Variants in PCDHGA5 observed in about 807,000 individuals in gnomAD.
PCDHGA5 encodes the protein protocadherin gamma subfamily A, 5.
In PCDHGA5, 36 loss-of-function variants were observed where a neutral mutation model predicts 56.7. The ratio of observed to expected loss-of-function variants is 0.64; its 90% CI spans 0.49 to 0.84. PCDHGA5 has a LOEUF of 0.84. Among genes scored for constraint, PCDHGA5 ranks in the 40% least tolerant of loss-of-function variants. The probability of loss-of-function intolerance (pLI) is 0.00; values close to 1 mark genes in which losing one functional copy is unlikely to be tolerated. For synonymous variants in PCDHGA5, 563 were observed against 520.2 expected, an observed-to-expected ratio of 1.08 and a Z score of -1.12; for missense variants, 1,305 against 1,201.5, an observed-to-expected ratio of 1.09 and a Z score of -1.27.
chr5:141,475,938 G>T (rs756781296), intron 1 of PCDHGA5: 22 of 682,776 alleles, frequency 3.2e-5, no homozygotes, highest in African/African-American at 7.2e-5. Flanking sequence ...GCCCCTGCCC[G>T]TCCCCTTTCT....
rs527630741 is a variant in PCDHGA5, at chr5:141,493,568, G to A, written c.2422-1239G>A. ...TTGGAGATTGAGTTCCCCCAGCTCC[G>A]TTTCCTCCTATCACAATCACTGCAT... is the stretch of plus-strand genomic sequence containing the variant. On this transcript the variant is annotated intron_variant, in intron 1 of 3. Coordinates refer to ENST00000518069, the MANE Select transcript of PCDHGA5 (RefSeq NM_018918.3). This position sits in a 1 kb window ranked among gnomAD's most constrained non-coding sequence, Gnocchi z 4.3. 3.9e-5 allele frequency among the ~76,000 whole-genome samples: 6 copies of A among 152,250 alleles called. No homozygotes were observed. Among genetic ancestry groups the A allele is most frequent in the African/African-American group, 9.6e-5 (4 of 41,550 alleles).
chr5:141,491,709 C>T lies in PCDHGA5; in HGVS notation c.2422-3098C>T, dbSNP rs2099725685. On this transcript the variant is annotated intron_variant, in intron 1 of 3. Coordinates refer to ENST00000518069, the MANE Select transcript of PCDHGA5 (RefSeq NM_018918.3). The surrounding 1 kb of genome is among the most constrained non-coding windows in gnomAD (Gnocchi z 6.9). The stretch of plus-strand genomic sequence containing the variant: ...TGCGGGAGCGGAGCCAGGTGAGGGG[C>T]TCGGCGCCGCCCCGGGCGACCCCTG... 6.2e-7 allele frequency: 1 copy of T among 1,610,156 alleles called. No homozygotes were observed. Among genetic ancestry groups the T allele is most frequent in the Non-Finnish European group, 8.5e-7 (1 of 1,178,376 alleles).
At chr5:141,380,295 A>G (rs956041839) in intron 1 of PCDHGA5, among the ~76,000 whole-genome samples, 2 of 152,172 alleles carry the variant, frequency 1.3e-5, no homozygotes, top group African/African-American at 2.4e-5. Flanking sequence ...GAAGATACCT[A>G]TATCTTTGCT....
chr5:141,465,782 T>G (rs2099109563), intron 1 of PCDHGA5, among the ~76,000 whole-genome samples: 1 of 152,076 alleles, frequency 6.6e-6, no homozygotes, highest in African/African-American at 2.4e-5. Flanking sequence ...TGTTACAGTT[T>G]TTTTTTTTTT....
chr5:141,472,733 C>T (rs1450872513), intron 1 of PCDHGA5, among the ~76,000 whole-genome samples: 2 of 151,996 alleles, frequency 1.3e-5, no homozygotes, highest in Non-Finnish European at 2.9e-5. Context: ...CACCTGTAAT[C>T]CCAGCACTTT....
At chr5:141,415,712 T>G (rs2095901969) in intron 1 of PCDHGA5, 3 of 1,326,794 alleles carry the variant, frequency 2.3e-6, no homozygotes, top group Non-Finnish European at 3.1e-6. Context: ...GCTAAAACAC[T>G]GATGAGTAGA....
In PCDHGA5 at chr5:141,431,253, ACT is replaced by A. The variant is rs757246289; in HGVS notation, c.2422-63549_2422-63548del. On this transcript the variant is annotated intron_variant, in intron 1 of 3. Coordinates refer to ENST00000518069, the MANE Select transcript of PCDHGA5 (RefSeq NM_018918.3). This position sits in a 1 kb window ranked among gnomAD's most constrained non-coding sequence, Gnocchi z 4.8. ...GCCTGGGATCCGGATATCGGGAAGA[ACT>A]CTCTGCAGAGCTACGAGCTCAGCCC... 2.2e-5 allele frequency: 35 copies of A among 1,614,014 alleles called. No individual in the cohort carries two copies. In the South Asian group the frequency reaches 3.1e-4, roughly 14 times the overall value.
At chr5:141,389,671 C>T in intron 1 of PCDHGA5, 1 of 1,612,458 alleles carries the variant, frequency 6.2e-7, no homozygotes, top group Non-Finnish European at 8.5e-7. Flanking sequence ...GACGCAGACT[C>T]AGGACACAAC....
intron 1 of PCDHGA5, chr5:141,414,713 C>T: frequency 6.2e-7 from 1 of 1,614,126 alleles, no homozygotes; most frequent in Admixed American, 1.7e-5. Context: ...TCCATCAACT[C>T]AGACACTGGC....
intron 1 of PCDHGA5, among the ~76,000 whole-genome samples, chr5:141,369,464 C>G (rs1013896891): frequency 6.6e-6 from 1 of 152,072 alleles, no homozygotes; most frequent in African/African-American, 2.4e-5. Flanking sequence ...GCCAGGTGTT[C>G]TAGCCCAGCC....
rs765690531 is a variant in PCDHGA5, at chr5:141,404,329, C to T, written c.2421+37578C>T. 6.8e-5 allele frequency: 110 copies of T among 1,613,772 alleles called. No homozygotes were observed. The East Asian group carries it at 2.4e-3, about 36-fold the overall frequency. On this transcript the variant is annotated intron_variant, in intron 1 of 3. Coordinates refer to ENST00000518069, the MANE Select transcript of PCDHGA5 (RefSeq NM_018918.3). ...CTTTCTCTCAAGCCTCCTACTCAGTCTACCTCCCGGAAAACAACGCCAGAG... is the reference window on the plus strand; with the variant it reads ...CTTTCTCTCAAGCCTCCTACTCAGTTTACCTCCCGGAAAACAACGCCAGAG...
rs980109158 is a variant in PCDHGA5 at position 141,375,279 on chromosome 5, G to A, written c.2421+8528G>A. On this transcript the variant is annotated intron_variant, in intron 1 of 3. Transcript: ENST00000518069. ...CCATTTGAATTGGAAAAATCAGTTG[G>A]CAATTATTATCGATTAGTGACAAAT... is the stretch of plus-strand genomic sequence containing the variant. 18 of 1,613,688 alleles carry A rather than the reference G, an allele frequency of 1.1e-5. No individual in the cohort carries two copies. The highest frequency in any genetic ancestry group is 4.2e-6 in the Non-Finnish European group (5 of 1,179,904).
chr5:141,421,869 A>G lies in PCDHGA5; in HGVS notation c.2421+55118A>G, dbSNP rs200015978. 1.5e-5 allele frequency: 24 copies of G among 1,613,732 alleles called. No individual in the cohort carries two copies. The African/African-American group carries it at 3.1e-4, about 21-fold the overall frequency. ...AGGCTGCTCACCTGCTCCTCCTCAC[A>G]GCTTTAGATGGAGGCGATCCCATCC... On this transcript the variant is annotated intron_variant, in intron 1 of 3. Transcript: ENST00000518069.
rs1554123924 is a variant in PCDHGA5, at chr5:141,431,826, T to C, written c.2422-62981T>C. 1 of 1,614,220 alleles carries C rather than the reference T, an allele frequency of 6.2e-7. No homozygotes were observed. The highest frequency in any genetic ancestry group is 8.5e-7 in the Non-Finnish European group (1 of 1,180,050). The stretch of plus-strand genomic sequence containing the variant: ...GTCCTCACCTCTCTCGCCAGCTCGG[T>C]TCCCGAAAACTCTCCCAGAGGGACA... On this transcript the variant is annotated intron_variant, in intron 1 of 3. Coordinates refer to ENST00000518069, the MANE Select transcript of PCDHGA5 (RefSeq NM_018918.3). This position sits in a 1 kb window ranked among gnomAD's most constrained non-coding sequence, Gnocchi z 4.8.
At position 141,486,579 on chromosome 5, in the gene PCDHGA5, G is replaced by A. The variant is rs747583158; in HGVS notation, c.2422-8228G>A. On this transcript the variant is annotated intron_variant, in intron 1 of 3. Coordinates refer to ENST00000518069, the MANE Select transcript of PCDHGA5 (RefSeq NM_018918.3). The surrounding 1 kb of genome is among the most constrained non-coding windows in gnomAD (Gnocchi z 5.0). ...GAGGTGTTTGTTCCTGAGAACAATC[G>A]CCCAGGGGACCTGCTTTGCTCCCTT... is the stretch of plus-strand genomic sequence containing the variant. The A allele has an allele frequency of 5.1e-5, 82 of 1,613,426 alleles. No homozygotes were observed. Among genetic ancestry groups the A allele is most frequent in the South Asian group, 2.2e-4 (20 of 91,084 alleles).
intron 1 of PCDHGA5, chr5:141,400,541 T>C: frequency 6.2e-7 from 1 of 1,613,832 alleles, no homozygotes; most frequent in Admixed American, 1.7e-5. Flanking sequence ...TTCATTTATG[T>C]CTATTCTTTT....
chr5:141,480,112 C>T (rs531082602), intron 1 of PCDHGA5, among the ~76,000 whole-genome samples: 2 of 152,190 alleles, frequency 1.3e-5, no homozygotes, highest in Admixed American at 1.3e-4. Flanking sequence ...TAGCATGGTG[C>T]CTGGCATATC....
intron 1 of PCDHGA5, among the ~76,000 whole-genome samples, chr5:141,426,098 A>T (rs144349682): frequency 6.6e-6 from 1 of 152,356 alleles, no homozygotes; most frequent in Non-Finnish European, 1.5e-5. Flanking sequence ...TATTCTGTTC[A>T]GTCACAGAAG....
intron 1 of PCDHGA5, among the ~76,000 whole-genome samples, chr5:141,402,245 A>G (rs1196349685): frequency 6.6e-6 from 1 of 152,078 alleles, no homozygotes; most frequent in East Asian, 1.9e-4. Flanking sequence ...TTTATCATCA[A>G]AATAAACCCC....
Sources: allele counts gnomAD v4.1 joint callset (sites outside exome capture counted in the v4.1 genomes callset), GRCh38; gene constraint gnomAD v4.1.1; non-coding constraint Gnocchi (gnomAD v3.1); transcripts MANE v1.5; gene names NCBI Gene and HGNC (gene_info 2026-07-23, HGNC 2026-07-21).